Variants in DACH2 observed in about 807,000 individuals in gnomAD.
DACH2 encodes the protein dachshund homolog 2.
Under a neutral mutation model 35.8 loss-of-function variants are expected in DACH2, and 17 were observed. That is an observed-to-expected ratio of 0.48 (90% CI 0.33 to 0.71). The LOEUF (loss-of-function observed/expected upper bound fraction) is 0.71, where lower values mean the gene tolerates loss of function less well. Among genes scored for constraint, DACH2 ranks in the 30% least tolerant of loss-of-function variants. DACH2 has a pLI of 0.02. For synonymous variants in DACH2, 195 were observed against 177.3 expected (o/e 1.10, Z -0.79); for missense variants, 469 against 472.7 (o/e 0.99, Z 0.07).
At chrX:86,769,348 T>A (rs2041964959) in intron 7 of DACH2, among the ~76,000 whole-genome samples, 1 of 112,034 alleles carries the variant, frequency 8.9e-6, no homozygotes, top group South Asian at 3.7e-4. Context: ...AGAATATGGT[T>A]AAAATTCCCA....
chrX:86,530,587 T>C (rs2038705021), intron 3 of DACH2, among the ~76,000 whole-genome samples: 1 of 112,109 alleles, frequency 8.9e-6, no homozygotes, highest in Admixed American at 9.5e-5. Context: ...AGTCTCTCCA[T>C]CCATGTGGAA....
intron 1 of DACH2, among the ~76,000 whole-genome samples, chrX:86,355,738 T>C (rs2035632067): frequency 9.0e-6 from 1 of 111,446 alleles, no homozygotes; most frequent in African/African-American, 3.3e-5. Context: ...TGGCGTGAGA[T>C]GGTATCTCAT....
intron 1 of DACH2, among the ~76,000 whole-genome samples, chrX:86,361,456 G>A (rs1013914658): frequency 1.8e-5 from 2 of 110,747 alleles, no homozygotes; most frequent in Non-Finnish European, 3.8e-5. Context: ...TCTACCTTTC[G>A]AGCAATCCAG....
At chrX:86,383,385 T>C (rs958268164) in intron 2 of DACH2, among the ~76,000 whole-genome samples, 2 of 107,605 alleles carry the variant, frequency 1.9e-5, no homozygotes, top group African/African-American at 6.8e-5. Flanking sequence ...CTATATGTAT[T>C]TGAGGCGTTG....
chrX:86,526,918 G>A (rs1359619519), intron 3 of DACH2, among the ~76,000 whole-genome samples: 1 of 109,295 alleles, frequency 9.1e-6, no homozygotes, highest in Non-Finnish European at 1.9e-5. Flanking sequence ...CATAATCAAG[G>A]GACCAACAGA....
intron 1 of DACH2, among the ~76,000 whole-genome samples, chrX:86,199,249 A>T (rs1007041565): frequency 2.7e-5 from 3 of 111,724 alleles, no homozygotes; most frequent in Non-Finnish European, 5.6e-5. Context: ...AAAACTAGGT[A>T]TTGAAGGAAT....
intron 1 of DACH2, among the ~76,000 whole-genome samples, chrX:86,200,494 AT>A (rs2032121622): frequency 9.0e-6 from 1 of 110,725 alleles, no homozygotes; most frequent in Admixed American, 9.7e-5. Flanking sequence ...AACAGAGAAC[AT>A]ACAGAATGGG....
chrX:86,532,160 G>A (rs773022702), intron 3 of DACH2, among the ~76,000 whole-genome samples: 1 of 112,366 alleles, frequency 8.9e-6, no homozygotes, highest in South Asian at 3.7e-4. Flanking sequence ...GCTTATAGGT[G>A]AAAGGGACTT....
At chrX:86,180,483 A>G (rs1322980275) in intron 1 of DACH2, among the ~76,000 whole-genome samples, 2 of 110,116 alleles carry the variant, frequency 1.8e-5, no homozygotes, top group East Asian at 5.7e-4. Context: ...CAAGAAATGT[A>G]TCCAAAATAG....
intron 3 of DACH2, among the ~76,000 whole-genome samples, chrX:86,606,524 A>G (rs1344086888): frequency 9.0e-6 from 1 of 111,193 alleles, no homozygotes; most frequent in African/African-American, 3.3e-5. Flanking sequence ...ATTGATTTCT[A>G]GTTTTCTTTT....
At chrX:86,825,344 G>A (rs1375820052) in intron 11 of DACH2, among the ~76,000 whole-genome samples, 1 of 110,711 alleles carries the variant, frequency 9.0e-6, no homozygotes, top group East Asian at 2.8e-4. Flanking sequence ...TTGAACCTGG[G>A]AGGCGGAGGC....
At chrX:86,416,948 G>A (rs2036713481) in intron 2 of DACH2, among the ~76,000 whole-genome samples, 1 of 109,158 alleles carries the variant, frequency 9.2e-6, no homozygotes, top group African/African-American at 3.4e-5. Context: ...GCAAAAATTA[G>A]CCAAGTGTGG....
At chrX:86,417,558 C>A (rs1385367244) in intron 2 of DACH2, among the ~76,000 whole-genome samples, 1 of 111,117 alleles carries the variant, frequency 9.0e-6, no homozygotes, top group Non-Finnish European at 1.9e-5. Context: ...ACCATCAGAT[C>A]TCATGAGACT....
intron 2 of DACH2, among the ~76,000 whole-genome samples, chrX:86,463,423 G>C (rs778289063): frequency 9.0e-6 from 1 of 110,841 alleles, no homozygotes; most frequent in African/African-American, 3.3e-5. Flanking sequence ...AAGCAATGGG[G>C]AAAGGATTCC....
chrX:86,359,700 G>A (rs1374702596), intron 1 of DACH2, among the ~76,000 whole-genome samples: 2 of 110,848 alleles, frequency 1.8e-5, no homozygotes, highest in African/African-American at 3.3e-5. Context: ...AGTGAGCCAT[G>A]ATTGTGCCAC....
intron 1 of DACH2, among the ~76,000 whole-genome samples, chrX:86,218,688 T>C (rs2032633237): frequency 8.9e-6 from 1 of 112,386 alleles, no homozygotes; most frequent in East Asian, 2.8e-4. Flanking sequence ...TCCCACTTTC[T>C]TTTTTTCTTT....
At chrX:86,562,919 G>A (rs1300643581) in intron 3 of DACH2, among the ~76,000 whole-genome samples, 1 of 111,449 alleles carries the variant, frequency 9.0e-6, no homozygotes, top group Non-Finnish European at 1.9e-5. Context: ...TGAAAAGATA[G>A]CAACATAAAT....
At chrX:86,815,458 A>T (rs969360790) in intron 10 of DACH2, among the ~76,000 whole-genome samples, 1 of 109,880 alleles carries the variant, frequency 9.1e-6, no homozygotes, top group African/African-American at 3.3e-5. Context: ...GAACCTTTTT[A>T]CATCAAAATT....
At chrX:86,391,042 A>T (rs1408429535) in intron 2 of DACH2, among the ~76,000 whole-genome samples, 2 of 108,632 alleles carry the variant, frequency 1.8e-5, no homozygotes, top group Non-Finnish European at 3.8e-5. Flanking sequence ...GCACTTTGGG[A>T]GGCTAAGGCG....
Sources: allele counts gnomAD v4.1 joint callset (sites outside exome capture counted in the v4.1 genomes callset), GRCh38; gene constraint gnomAD v4.1.1; transcripts MANE v1.5; gene names NCBI Gene and HGNC (gene_info 2026-07-23, HGNC 2026-07-21).